KDM5A: variants seen among roughly 807,000 people sequenced by gnomAD.
KDM5A encodes the protein lysine demethylase 5A.
A neutral mutation model predicts 193.5 loss-of-function variants in KDM5A; 42 were observed. The ratio of observed to expected loss-of-function variants is 0.22; its 90% CI spans 0.17 to 0.28. The LOEUF is 0.28. KDM5A is among the 10% of genes least tolerant of loss of function. The pLI is 1.00. For synonymous variants in KDM5A, 796 were observed against 718.1 expected, an observed-to-expected ratio of 1.11 and a Z score of -1.73; for missense variants, 1,692 against 2,055.1, an observed-to-expected ratio of 0.82 and a Z score of 3.42.
chr12:297,181 G>A lies in KDM5A; in HGVS notation c.4094C>T (p.Ser1365Phe). The change falls in exon 25 of 28, where the codon TCC (serine) becomes TTC (phenylalanine). Residue 1365 changes from serine to phenylalanine, a missense_variant. Transcript: ENST00000399788. The part of the protein sequence containing the change: ...YDMKDTASVK[S>F]SSSLEPNLFC... ...AAGATTGGGTTCAAGACTACTAGAG[G>A]ACTTCACACTGGCTGTGTCCTGAAG... 2 of 1,614,022 alleles carry A rather than the reference G, an allele frequency of 1.2e-6. No homozygotes were observed. The highest frequency in any genetic ancestry group is 1.1e-5 in the South Asian group (1 of 91,078).
At chr12:372,972 T>A (rs1266984065) in intron 3 of KDM5A, among the ~76,000 whole-genome samples, 2 of 152,230 alleles carry the variant, frequency 1.3e-5, no homozygotes, top group South Asian at 4.1e-4. Context: ...AGCTTTTTGA[T>A]GTGCTGCTGG....
rs1397234016 is a variant in KDM5A at position 289,909 on chromosome 12, T to TTC, written c.4866+2849_4866+2850insGA. ...AAAGCATGATTTTTTCTTTCTTTCT[T>TTC]TTTTTTTTTTTTTTTTTTTTTACAT... is the stretch of plus-strand genomic sequence containing the variant. On this transcript the variant is annotated intron_variant, in intron 27 of 27. Coordinates refer to ENST00000399788, the MANE Select transcript of KDM5A (RefSeq NM_001042603.3). 5.9e-3 allele frequency among the ~76,000 whole-genome samples: 674 copies of TTC among 115,014 alleles called. 4 individuals carry two copies. The highest frequency in any genetic ancestry group is 0.023 in the African/African-American group (617 of 26,682). The allele number at this position is 115,014 out of a possible 152,430, so 75.5% of individuals were successfully genotyped here. A position where few individuals can be genotyped will look rare whatever the true frequency, so the allele number is the denominator to read the frequency against.
At position 303,837 on chromosome 12, in the gene KDM5A, T is replaced by G. The variant is rs1005020779; in HGVS notation, c.4074+3109A>C. On this transcript the variant is annotated intron_variant, in intron 24 of 27. Transcript: ENST00000399788. ...ACCAATTGCTCTTAATACAAGTATA[T>G]GTCTGACTGACAATATATAGATTAC... Among the ~76,000 whole-genome samples, 3 of 152,114 alleles carry G rather than the reference T, an allele frequency of 2.0e-5. No homozygotes were observed. The South Asian group carries it at 6.2e-4, about 31-fold the overall frequency.
At chr12:352,752 G>C (rs1360953921) in intron 8 of KDM5A, among the ~76,000 whole-genome samples, 2 of 152,184 alleles carry the variant, frequency 1.3e-5, no homozygotes, top group Non-Finnish European at 2.9e-5. Flanking sequence ...CAGACTAAGA[G>C]AATAGTTTGT....
At position 337,261 on chromosome 12, in the gene KDM5A, CTCT is replaced by C. The variant is rs367659624; in HGVS notation, c.1309-2842_1309-2840del. Among the ~76,000 whole-genome samples, 69 of 152,340 alleles carry C rather than the reference CTCT, an allele frequency of 4.5e-4. 1 individual carries two copies. The East Asian group carries it at 0.01, about 23-fold the overall frequency. On this transcript the variant is annotated intron_variant, in intron 10 of 27. Coordinates refer to ENST00000399788, the MANE Select transcript of KDM5A (RefSeq NM_001042603.3). Reference sequence around the variant, plus strand: ...TCAGCCTGTGGAACCTGTACAGCCTCTCTTCTTTATAAATTACCCAGCCTCGAG... The same window carrying C: ...TCAGCCTGTGGAACCTGTACAGCCTCTCTTTATAAATTACCCAGCCTCGAG...
chr12:336,040 T>C (rs1212249457), intron 10 of KDM5A, among the ~76,000 whole-genome samples: 1 of 84,642 alleles, frequency 1.2e-5, no homozygotes, highest in African/African-American at 6.0e-5. Context: ...CGATACTTCA[T>C]CTCAAAAAAA....
intron 10 of KDM5A, among the ~76,000 whole-genome samples, chr12:341,146 C>G (rs867473939): frequency 2.0e-5 from 3 of 152,070 alleles, no homozygotes; most frequent in Non-Finnish European, 4.4e-5. Flanking sequence ...AAATTCAGAA[C>G]AGAAAATTCA....
rs190373708 is a variant in KDM5A at position 348,282 on chromosome 12, G to A, written c.1308+2339C>T. On this transcript the variant is annotated intron_variant, in intron 10 of 27. Coordinates refer to ENST00000399788, the MANE Select transcript of KDM5A (RefSeq NM_001042603.3). ...GGAAACAGGTGCTGGAGAGGATGTG[G>A]AGAAATAGGAACACTGTTACACTGT... Among the ~76,000 whole-genome samples, 1,103 of 152,308 alleles carry A rather than the reference G, an allele frequency of 7.2e-3. 9 individuals are homozygous for A. The highest frequency in any genetic ancestry group is 0.025 in the African/African-American group (1,019 of 41,558).
chr12:323,573 G>T, intron 15 of KDM5A, 27 bp downstream of exon 15: 1 of 1,603,648 alleles, frequency 6.2e-7, no homozygotes, highest in Non-Finnish European at 8.5e-7. Flanking sequence ...AAAGGTAATG[G>T]AAGTTTTACA....
intron 1 of KDM5A, chr12:387,386 C>T (rs139428174): frequency 0.012 from 2,572 of 207,412 alleles, 23 homozygotes; most frequent in Non-Finnish European, 0.018. Context: ...ATCAAAGTAA[C>T]CGTGAATAGA....
chr12:322,674 A>C, intron 16 of KDM5A, 107 bp from the exon 17 acceptor site: 3 of 892,692 alleles, frequency 3.4e-6, no homozygotes, highest in Non-Finnish European at 5.4e-6. Context: ...TACTTGTAGA[A>C]ATATAATAAT....
chr12:310,006 A>G, intron 21 of KDM5A, 42 bp from the exon 22 acceptor site: 1 of 1,591,732 alleles, frequency 6.3e-7, no homozygotes, highest in African/African-American at 1.4e-5. Context: ...GGTTTTGAAA[A>G]TAATCTTAAA....
intron 20 of KDM5A, among the ~76,000 whole-genome samples, chr12:311,421 A>AT: frequency 1.3e-5 from 2 of 152,070 alleles, no homozygotes; most frequent in South Asian, 4.2e-4. Flanking sequence ...AGGCAGGCAG[A>AT]TCACCTGAGG....
At chr12:373,900 T>C (rs143401880) in intron 3 of KDM5A, among the ~76,000 whole-genome samples, 2,492 of 152,346 alleles carry the variant, frequency 0.016, 32 homozygotes, top group East Asian at 0.066. Context: ...TTGAGTGAGT[T>C]TGTTAATCCT....
At chr12:351,395 T>A (rs1168626172) in intron 9 of KDM5A, among the ~76,000 whole-genome samples, 2 of 152,174 alleles carry the variant, frequency 1.3e-5, no homozygotes, top group Admixed American at 1.3e-4. Flanking sequence ...GAACTTATCC[T>A]TTTTTATGAC....
At chr12:334,540 C>T (rs1225609892) in intron 10 of KDM5A, 118 bp from the exon 11 acceptor site, 1 of 729,112 alleles carries the variant, frequency 1.4e-6, no homozygotes, top group Non-Finnish European at 2.4e-6. Context: ...CTAGTGCATA[C>T]AATCTGTGCT....
intron 3 of KDM5A, among the ~76,000 whole-genome samples, chr12:379,679 G>A (rs1472918490): frequency 1.3e-5 from 2 of 152,118 alleles, no homozygotes; most frequent in Non-Finnish European, 1.5e-5. Context: ...ATTCTCACAG[G>A]TTGGGGAAAG....
intron 10 of KDM5A, among the ~76,000 whole-genome samples, chr12:340,137 C>G (rs998128970): frequency 2.0e-5 from 3 of 152,084 alleles, no homozygotes; most frequent in African/African-American, 7.2e-5. Context: ...CTCAGCCTCC[C>G]AAAGTGCTAG....
intron 13 of KDM5A, among the ~76,000 whole-genome samples, chr12:330,085 G>GTGTGTGTGTGTGTGTGTGTATATATA (rs377271333): frequency 2.8e-4 from 39 of 139,368 alleles, no homozygotes; most frequent in African/African-American, 8.6e-4. Flanking sequence ...GTGTGTGTGT[G>GTGTGTGTGTGTGTGTGTGTATATATA]TATATATATA....
Sources: allele counts gnomAD v4.1 joint callset (sites outside exome capture counted in the v4.1 genomes callset), GRCh38; gene constraint gnomAD v4.1.1; transcripts MANE v1.5; gene names NCBI Gene and HGNC (gene_info 2026-07-23, HGNC 2026-07-21).